The following SSR1 variants were observed in gnomAD, a reference collection of about 807,000 sequenced individuals.
The protein encoded by SSR1 is signal sequence receptor subunit 1.
SSR1 carries 13 observed loss-of-function variants against 36.1 expected under a neutral mutation model. That is an observed-to-expected ratio of 0.36 (90% CI 0.23 to 0.57). The LOEUF (loss-of-function observed/expected upper bound fraction) is 0.57. Among genes scored for constraint, SSR1 ranks in the 20% least tolerant of loss-of-function variants. The pLI is 0.81. For missense variants in SSR1, 291 were observed against 338.5 expected, an observed-to-expected ratio of 0.86 and a Z score of 1.10; for synonymous variants, 113 against 118.9, an observed-to-expected ratio of 0.95 and a Z score of 0.32.
At chr6:7,293,723 A>AT (rs1382479366) in intron 7 of SSR1, among the ~76,000 whole-genome samples, 7 of 152,074 alleles carry the variant, frequency 4.6e-5, no homozygotes, top group Non-Finnish European at 8.8e-5. Flanking sequence ...CAAATATTGT[A>AT]TTTTTTATCT....
chr6:7,309,144 T>G (rs1040680728), intron 2 of SSR1, among the ~76,000 whole-genome samples: 1 of 152,246 alleles, frequency 6.6e-6, no homozygotes, highest in African/African-American at 2.4e-5. Context: ...AAGTTGGGAT[T>G]TTAAATTTTT....
At chr6:7,310,931 AT>A (rs372737431) in intron 1 of SSR1, among the ~76,000 whole-genome samples, 13 of 152,222 alleles carry the variant, frequency 8.5e-5, no homozygotes, top group African/African-American at 3.1e-4. Flanking sequence ...AAATAAAAAA[AT>A]AAAGCATTCT....
intron 4 of SSR1, among the ~76,000 whole-genome samples, 162 bp downstream of exon 4, chr6:7,301,148 A>G (rs1757924272): frequency 6.6e-6 from 1 of 152,184 alleles, no homozygotes. Context: ...CCACTGGATT[A>G]GACTTGAAGA....
chr6:7,311,770 C>T (rs1451494924), intron 1 of SSR1, among the ~76,000 whole-genome samples: 1 of 151,198 alleles, frequency 6.6e-6, no homozygotes, highest in Non-Finnish European at 1.5e-5. Flanking sequence ...ACACAAAAAC[C>T]GTTTCTCACA....
intron 5 of SSR1, among the ~76,000 whole-genome samples, chr6:7,298,383 C>T (rs1265239463): frequency 6.6e-6 from 1 of 152,068 alleles, no homozygotes; most frequent in Non-Finnish European, 1.5e-5. Context: ...TCAGAAAGAA[C>T]ACTTACATTT....
chr6:7,302,430 G>C (rs1184212989), intron 3 of SSR1, among the ~76,000 whole-genome samples: 1 of 152,144 alleles, frequency 6.6e-6, no homozygotes, highest in South Asian at 2.1e-4. Flanking sequence ...TGAGAATATA[G>C]CCCTCAATAA....
At chr6:7,294,468 A>G (rs933219039) in intron 7 of SSR1, among the ~76,000 whole-genome samples, 5 of 152,190 alleles carry the variant, frequency 3.3e-5, no homozygotes, top group African/African-American at 9.7e-5. Flanking sequence ...CTAGCGGATC[A>G]CTTGAGGTCA....
intron 7 of SSR1, chr6:7,294,945 A>C: frequency 1.6e-6 from 1 of 622,862 alleles, no homozygotes. Flanking sequence ...TTATTCTTTC[A>C]AGTTATACTG....
Position 7,312,960 on chromosome 6 carries a change from C to T in SSR1, c.79+82G>A, listed in dbSNP as rs1028747086. ...TGGACGCGGACCCCAGGACCCGGAG[C>T]GGCCACCGCCTCCAACTTCAAACTT... On this transcript the variant is annotated intron_variant, in intron 1 of 7. Coordinates refer to ENST00000244763, the MANE Select transcript of SSR1 (RefSeq NM_003144.5). 9 of 1,379,988 alleles carry T rather than the reference C, an allele frequency of 6.5e-6. 1 individual carries two copies. Among genetic ancestry groups the T allele is most frequent in the South Asian group, 4.9e-5 (4 of 80,880 alleles). 85.5% of individuals were successfully genotyped at this position (1,379,988 alleles called of 1,614,324 possible). A position where few individuals can be genotyped will look rare whatever the true frequency, so the allele number is the denominator to read the frequency against.
rs201556739 is a variant in SSR1, at chr6:7,289,842, G to T, written c.*22C>A. 1.7e-5 allele frequency: 26 copies of T among 1,567,262 alleles called. No individual in the cohort carries two copies. The highest frequency in any genetic ancestry group is 2.1e-5 in the Non-Finnish European group (25 of 1,163,092). On this transcript the variant is annotated 3_prime_UTR_variant, in exon 8 of 8. Transcript: ENST00000244763. Reference sequence around the variant, plus strand: ...TATTAGGGCAGGTTAAGTAAAGACCGAATTGTTGCACAAAGGAACATTTAC... The same window carrying T: ...TATTAGGGCAGGTTAAGTAAAGACCTAATTGTTGCACAAAGGAACATTTAC...
Position 7,287,302 on chromosome 6 carries a change from T to C in SSR1, c.*2562A>G, listed in dbSNP as rs1757576834. On this transcript the variant is annotated 3_prime_UTR_variant, in exon 8 of 8. Transcript: ENST00000244763. ...TGCCACAAATGCACTTTTAAGGCAG[T>C]AGTTCTTCCATATTTTTTAAGGTCT... is the stretch of plus-strand genomic sequence containing the variant. 1 of 152,248 alleles carries C rather than the reference T, an allele frequency of 6.6e-6. No homozygotes were observed. The highest frequency in any genetic ancestry group is 1.5e-5 in the Non-Finnish European group (1 of 68,036). 9.4% of individuals were successfully genotyped at this position (152,248 alleles called of 1,614,324 possible).
chr6:7,294,409 C>T lies in SSR1; in HGVS notation c.793+983G>A, dbSNP rs576612296. ...TAATACCATTTATGAAAAATAGGGC[C>T]GGGCGTGGTGGCTCACGCCTGTAAT... On this transcript the variant is annotated intron_variant, in intron 7 of 7. Transcript: ENST00000244763. Among the ~76,000 whole-genome samples the T allele has an allele frequency of 4.6e-5, 7 of 152,236 alleles. No individual in the cohort carries two copies. The East Asian group carries it at 7.7e-4, about 17-fold the overall frequency.
chr6:7,285,670 C>G lies in SSR1; in HGVS notation c.*4194G>C, dbSNP rs1281673020. ...TTCCAGCCTGGGCAATACAGTGAGA[C>G]CCCATGTCAAAAAAAAAAAGAAAAA... On this transcript the variant is annotated 3_prime_UTR_variant, in exon 8 of 8. Coordinates refer to ENST00000244763, the MANE Select transcript of SSR1 (RefSeq NM_003144.5). The surrounding 1 kb of genome is among the most constrained non-coding windows in gnomAD (Gnocchi z 4.1). The G allele has an allele frequency of 1.6e-5, 2 of 123,842 alleles. No homozygotes were observed. Among genetic ancestry groups the G allele is most frequent in the African/African-American group, 6.3e-5 (2 of 31,678 alleles). The allele number at this position is 123,842 out of a possible 1,614,324, so 7.7% of individuals were successfully genotyped here.
intron 3 of SSR1, among the ~76,000 whole-genome samples, chr6:7,302,384 T>G (rs1263137449): frequency 6.6e-6 from 1 of 152,198 alleles, no homozygotes; most frequent in African/African-American, 2.4e-5. Context: ...CTACGCTCAG[T>G]GGGTTTGTCA....
chr6:7,301,243 T>C, intron 4 of SSR1, 67 bp downstream of exon 4: 1 of 1,549,152 alleles, frequency 6.5e-7, no homozygotes, highest in East Asian at 2.2e-5. Context: ...AGATATATTC[T>C]ATTAAACAAC....
intron 6 of SSR1, among the ~76,000 whole-genome samples, chr6:7,297,458 G>A (rs1361503505): frequency 1.3e-5 from 2 of 152,052 alleles, no homozygotes; most frequent in African/African-American, 4.8e-5. Context: ...AGGTGCAGTG[G>A]CTCACACCTG....
chr6:7,299,020 C>A (rs2113285333), intron 4 of SSR1, 197 bp from the exon 5 acceptor site: 1 of 572,772 alleles, frequency 1.7e-6, no homozygotes, highest in South Asian at 2.1e-5. Flanking sequence ...GAAATAAAGT[C>A]TCTGGGCCAG....
chr6:7,291,823 GCACTTTGGGCGGCTGAGGTAGACAGAT>G, intron 7 of SSR1, among the ~76,000 whole-genome samples: 1 of 152,130 alleles, frequency 6.6e-6, no homozygotes, highest in South Asian at 2.1e-4. Flanking sequence ...TATAATCCCA[GCACTTTGGGCGGCTGAGGTAGACAGAT>G]CACTTGAGCC....
At chr6:7,310,057 T>A in intron 1 of SSR1, 28 bp from the exon 2 acceptor site, 1 of 1,566,720 alleles carries the variant, frequency 6.4e-7, no homozygotes, top group Non-Finnish European at 8.8e-7. Context: ...AAAAAGCAGT[T>A]ACCCTTTACT....
Sources: allele counts gnomAD v4.1 joint callset (sites outside exome capture counted in the v4.1 genomes callset), GRCh38; gene constraint gnomAD v4.1.1; non-coding constraint Gnocchi (gnomAD v3.1); transcripts MANE v1.5; gene names NCBI Gene and HGNC (gene_info 2026-07-23, HGNC 2026-07-21).